TMEM229A: variants seen among roughly 807,000 people sequenced by gnomAD.
The protein encoded by TMEM229A is transmembrane protein 229A.
In TMEM229A, 23 loss-of-function variants were observed where a neutral mutation model predicts 30.0. The ratio of observed to expected loss-of-function variants is 0.77; its 90% confidence interval spans 0.55 to 1.09. TMEM229A has a LOEUF of 1.09. Ranked by LOEUF, TMEM229A falls within the 50% of genes least tolerant of loss-of-function variation. The pLI is 0.00. For synonymous variants in TMEM229A, 264 were observed against 241.5 expected (o/e 1.09, Z -0.86); for missense variants, 534 against 525.9 (o/e 1.02, Z -0.15).
Position 124,032,462 on chromosome 7 carries a change from C to T in TMEM229A, c.542G>A (p.Arg181Gln). Residue 181 changes from arginine to glutamine, a missense_variant, in exon 1 of 1, where the codon CGG (arginine) becomes CAG (glutamine). Arg to Gln is a conservative substitution (Grantham distance 43, BLOSUM62 1). Coordinates refer to ENST00000455783, the MANE Select transcript of TMEM229A (RefSeq NM_001136002.2). The surrounding 1 kb of genome is among the most constrained non-coding windows in gnomAD (Gnocchi z 6.6). Reference sequence around the variant, plus strand: ...CTGCCGCCGCCTCTGTCGCCCGTACCGCAAGCGCAGGAAGCGCTTCAGGAA... The same window carrying T: ...CTGCCGCCGCCTCTGTCGCCCGTACTGCAAGCGCAGGAAGCGCTTCAGGAA... ...QVFLKRFLRLRYGRQRRRQQQ... is the reference protein window; with the variant it reads ...QVFLKRFLRLQYGRQRRRQQQ... 1 of 1,548,952 alleles carries T rather than the reference C, an allele frequency of 6.5e-7. No individual in the cohort carries two copies. The highest frequency in any genetic ancestry group is 8.7e-7 in the Non-Finnish European group (1 of 1,146,570).
At position 124,032,973 on chromosome 7, in the gene TMEM229A, G is replaced by A; in HGVS notation, c.31C>T (p.Pro11Ser). 1 of 1,311,010 alleles carries A rather than the reference G, an allele frequency of 7.6e-7. No individual in the cohort carries two copies. The highest frequency in any genetic ancestry group is 9.6e-7 in the Non-Finnish European group (1 of 1,036,274). The allele number at this position is 1,311,010 out of a possible 1,614,324, so 81.2% of individuals were successfully genotyped here. ...CGCGCCGCGCCGCCCCTCCGTGCGG[G>A]GCCCTCGCTGTCCACGTCGCTCCCC... MAGSDVDSEGPARRGGAARRP... is the reference protein window; with the variant it reads MAGSDVDSEGSARRGGAARRP... The change falls in exon 1 of 1, where the codon CCC becomes TCC. Residue 11 changes from proline (P) to serine (S), a missense_variant. Transcript: ENST00000455783. The surrounding 1 kb of genome is among the most constrained non-coding windows in gnomAD (Gnocchi z 6.6).
In TMEM229A at chr7:124,033,029, G is replaced by C. The variant is rs1390034682; in HGVS notation, c.-26C>G. ...GGGCTCGGAGGCTGTCCGAACGCCC[G>C]AGGCTGCACCGCCGCCGCTGCCGGG... On this transcript the variant is annotated 5_prime_UTR_variant, in exon 1 of 1. Coordinates refer to ENST00000455783, the MANE Select transcript of TMEM229A (RefSeq NM_001136002.2). 95 of 1,214,726 alleles carry C rather than the reference G, an allele frequency of 7.8e-5. No individual in the cohort carries two copies. Among genetic ancestry groups the C allele is most frequent in the Middle Eastern group, 3.2e-4 (1 of 3,112 alleles). The allele number at this position is 1,214,726 out of a possible 1,614,324, so 75.2% of individuals were successfully genotyped here. A position where few individuals can be genotyped will look rare whatever the true frequency, so the allele number is the denominator to read the frequency against.
At position 124,032,373 on chromosome 7, in the gene TMEM229A, C is replaced by A; in HGVS notation, c.631G>T (p.Ala211Ser). The A allele has an allele frequency of 1.9e-6, 3 of 1,540,988 alleles. No homozygotes were observed. The highest frequency in any genetic ancestry group is 2.6e-6 in the Non-Finnish European group (3 of 1,143,864). The change falls in exon 1 of 1, where the codon GCC (alanine) becomes TCC (serine). Residue 211 changes from alanine to serine, a missense_variant. Transcript: ENST00000455783. The surrounding 1 kb of genome is among the most constrained non-coding windows in gnomAD (Gnocchi z 6.6). ...GCTCCGGCCGCAGTAGGGACCCGGG[C>A]GCCGGGAGGGACGGGGAGCGCGCCC... ...RRGALPVPPGARVPTAAGARR... is the reference protein window; with the variant it reads ...RRGALPVPPGSRVPTAAGARR...
chr7:124,032,974 G>C lies in TMEM229A; in HGVS notation c.30C>G (p.Gly10=). The C allele has an allele frequency of 7.6e-7, 1 of 1,310,762 alleles. No individual in the cohort carries two copies. Among genetic ancestry groups the C allele is most frequent in the Non-Finnish European group, 9.7e-7 (1 of 1,036,178 alleles). The allele number at this position is 1,310,762 out of a possible 1,614,324, so 81.2% of individuals were successfully genotyped here. MAGSDVDSE[G]PARRGGAARR... ...GCGCCGCGCCGCCCCTCCGTGCGGG[G>C]CCCTCGCTGTCCACGTCGCTCCCCG... The change falls in exon 1 of 1, where the codon GGC becomes GGG. Residue 10 remains glycine (G), a synonymous_variant. Coordinates refer to ENST00000455783, the MANE Select transcript of TMEM229A (RefSeq NM_001136002.2). The surrounding 1 kb of genome is among the most constrained non-coding windows in gnomAD (Gnocchi z 6.6).
rs1288477241 is a variant in TMEM229A at position 124,031,158 on chromosome 7, G to T, written c.*703C>A. On this transcript the variant is annotated 3_prime_UTR_variant, in exon 1 of 1. Coordinates refer to ENST00000455783, the MANE Select transcript of TMEM229A (RefSeq NM_001136002.2). The surrounding 1 kb of genome is among the most constrained non-coding windows in gnomAD (Gnocchi z 4.1). ...TGCTGTTTAAGGCTTACCCACATTG[G>T]AAAGCAATCATTTCCAGGATGGAGA... 6.6e-6 allele frequency: 1 copy of T among 152,176 alleles called. No homozygotes were observed. The highest frequency in any genetic ancestry group is 2.4e-5 in the African/African-American group (1 of 41,444). The allele number at this position is 152,176 out of a possible 1,614,324, so 9.4% of individuals were successfully genotyped here. A position where few individuals can be genotyped will look rare whatever the true frequency, so the allele number is the denominator to read the frequency against.
In TMEM229A at chr7:124,031,978, C is replaced by T. The variant is rs1289033445; in HGVS notation, c.1026G>A (p.Pro342=). Residue 342 remains proline, a synonymous_variant, in exon 1 of 1, where the codon CCG becomes CCA. Transcript: ENST00000455783. This position sits in a 1 kb window ranked among gnomAD's most constrained non-coding sequence, Gnocchi z 4.1. ...GGGTGATGAGGCCCATAAAATTGAG[C>T]GGGTAGTGAGAATAGTCCCAGGAAC... ...GACSWDYSHY[P]LNFMGLITLM... 3.2e-6 allele frequency: 5 copies of T among 1,551,584 alleles called. No homozygotes were observed. Among genetic ancestry groups the T allele is most frequent in the Non-Finnish European group, 4.4e-6 (5 of 1,146,970 alleles).
Position 124,031,671 on chromosome 7 carries a change from C to T in TMEM229A, c.*190G>A. 1.8e-6 allele frequency: 1 copy of T among 567,160 alleles called. No individual in the cohort carries two copies. Among genetic ancestry groups the T allele is most frequent in the Non-Finnish European group, 2.9e-6 (1 of 342,022 alleles). 35.1% of individuals were successfully genotyped at this position (567,160 alleles called of 1,614,324 possible). A position where few individuals can be genotyped will look rare whatever the true frequency, so the allele number is the denominator to read the frequency against. On this transcript the variant is annotated 3_prime_UTR_variant, in exon 1 of 1. Coordinates refer to ENST00000455783, the MANE Select transcript of TMEM229A (RefSeq NM_001136002.2). This position sits in a 1 kb window ranked among gnomAD's most constrained non-coding sequence, Gnocchi z 4.1. ...TTGAATTATGTTTCGAGTAGTGTTT[C>T]AAAGTATATTATACACGGGTTTCAA...
Position 124,031,875 on chromosome 7 carries a change from C to A in TMEM229A, c.1129G>T (p.Val377Leu). ...CTTTTTTGGTTTTAGTTAGCTGGTA[C>A]GTACTGCACCCTCCACAACACGTTG... ...ISNVLWRVQY[V>L]PAN is the part of the protein sequence containing the mutation. Residue 377 changes from valine to leucine, a missense_variant, in exon 1 of 1, where the codon GTA becomes TTA. By Grantham distance (32) the Val-to-Leu change is conservative. Transcript: ENST00000455783. This position sits in a 1 kb window ranked among gnomAD's most constrained non-coding sequence, Gnocchi z 4.1. The A allele has an allele frequency of 6.5e-7, 1 of 1,537,528 alleles. No individual in the cohort carries two copies. Among genetic ancestry groups the A allele is most frequent in the East Asian group, 2.5e-5 (1 of 40,512 alleles).
rs1246150740 is a variant in TMEM229A, at chr7:124,032,312, C to G, written c.692G>C (p.Gly231Ala). Residue 231 changes from glycine to alanine, a missense_variant, in exon 1 of 1, where the codon GGG becomes GCG. Physicochemically the swap from Gly to Ala is moderately conservative, Grantham distance 60. Coordinates refer to ENST00000455783, the MANE Select transcript of TMEM229A (RefSeq NM_001136002.2). The surrounding 1 kb of genome is among the most constrained non-coding windows in gnomAD (Gnocchi z 6.6). ...RRRPRGPRGA[G>A]GAPSQGLPDL... ...GGGCAGCCCCTGGCTGGGGGCTCCC[C>G]CGGCGCCCCTGGGGCCACGGGGTCG... 6.5e-7 allele frequency: 1 copy of G among 1,549,602 alleles called. No homozygotes were observed. The highest frequency in any genetic ancestry group is 1.2e-5 in the South Asian group (1 of 83,978).
In TMEM229A at chr7:124,032,868, C is replaced by A. The variant is rs1793156636; in HGVS notation, c.136G>T (p.Ala46Ser). ...CAGGCGGGCAGCGTGGCGCTCTCAG[C>A]CGGCGCTTCAGCAGTGGACAGCGGC... is the stretch of plus-strand genomic sequence containing the variant. Reference protein sequence around the residue: ...PEPLSTAEAPAESATLPAWMR... With the variant: ...PEPLSTAEAPSESATLPAWMR... The change falls in exon 1 of 1, where the codon GCT becomes TCT. Residue 46 changes from alanine (A) to serine (S), a missense_variant. Transcript: ENST00000455783. The surrounding 1 kb of genome is among the most constrained non-coding windows in gnomAD (Gnocchi z 6.6). 1 of 1,541,994 alleles carries A rather than the reference C, an allele frequency of 6.5e-7. No homozygotes were observed. The highest frequency in any genetic ancestry group is 2.5e-5 in the East Asian group (1 of 40,084).
Position 124,032,812 on chromosome 7 carries a change from C to G in TMEM229A, c.192G>C (p.Gly64=). The change falls in exon 1 of 1, where the codon GGG becomes GGC. Residue 64 remains glycine, a synonymous_variant. Coordinates refer to ENST00000455783, the MANE Select transcript of TMEM229A (RefSeq NM_001136002.2). The surrounding 1 kb of genome is among the most constrained non-coding windows in gnomAD (Gnocchi z 6.6). ...AGGACACCAGCACGTCCAGGGTGAT[C>G]CCGTGCATCCCGTAGAAGTAGAGGC... ...WMRLYFYGMH[G]ITLDVLVSSA... The G allele has an allele frequency of 6.5e-7, 1 of 1,550,208 alleles. No individual in the cohort carries two copies. The highest frequency in any genetic ancestry group is 8.7e-7 in the Non-Finnish European group (1 of 1,146,558).
rs1563049801 is a variant in TMEM229A, at chr7:124,032,029, A to C, written c.975T>G (p.Gly325=). 2 of 1,551,572 alleles carry C rather than the reference A, an allele frequency of 1.3e-6. No homozygotes were observed. The highest frequency in any genetic ancestry group is 1.7e-4 in the Middle Eastern group (1 of 5,992). The part of the protein sequence containing the change: ...IFIYVWELSW[G]LGLRTCGACS... Reference sequence around the variant, plus strand: ...AAGCCCCGCACGTGCGGAGTCCCAGACCCCAGGACAGCTCCCACACGTAGA... The same window carrying C: ...AAGCCCCGCACGTGCGGAGTCCCAGCCCCCAGGACAGCTCCCACACGTAGA... Residue 325 remains glycine (G), a synonymous_variant, in exon 1 of 1, where the codon GGT becomes GGG. Coordinates refer to ENST00000455783, the MANE Select transcript of TMEM229A (RefSeq NM_001136002.2). This position sits in a 1 kb window ranked among gnomAD's most constrained non-coding sequence, Gnocchi z 6.6.
Position 124,032,188 on chromosome 7 carries a change from G to A in TMEM229A, c.816C>T (p.Thr272=), listed in dbSNP as rs1395553945. 7.1e-6 allele frequency: 11 copies of A among 1,551,858 alleles called. No homozygotes were observed. Among genetic ancestry groups the A allele is most frequent in the Non-Finnish European group, 9.6e-6 (11 of 1,147,014 alleles). Residue 272 remains threonine (T), a synonymous_variant, in exon 1 of 1, where the codon ACC becomes ACT. Coordinates refer to ENST00000455783, the MANE Select transcript of TMEM229A (RefSeq NM_001136002.2). The surrounding 1 kb of genome is among the most constrained non-coding windows in gnomAD (Gnocchi z 6.6). ...AGGACCAGAGCGACGTGTGGCCGCTGGTTGTCCCGTCCCCCTGCCCCAGTA... is the reference window on the plus strand; with the variant it reads ...AGGACCAGAGCGACGTGTGGCCGCTAGTTGTCCCGTCCCCCTGCCCCAGTA... ...FNVLGQGDGT[T]SGHTSLWSFF...
Position 124,032,704 on chromosome 7 carries a change from G to T in TMEM229A, c.300C>A (p.Thr100=). The change falls in exon 1 of 1, where the codon ACC becomes ACA. Residue 100 remains threonine (T), a synonymous_variant. Coordinates refer to ENST00000455783, the MANE Select transcript of TMEM229A (RefSeq NM_001136002.2). This position sits in a 1 kb window ranked among gnomAD's most constrained non-coding sequence, Gnocchi z 6.6. ...SPYRCLLHSL[T]HFALEKVYLQ... is the part of the protein sequence containing the mutation. ...GGTACACCTTCTCCAGGGCGAAATG[G>T]GTGAGCGAGTGCAGCAGGCAGCGGT... 1.3e-6 allele frequency: 2 copies of T among 1,551,510 alleles called. No homozygotes were observed. The highest frequency in any genetic ancestry group is 2.7e-5 in the African/African-American group (2 of 73,174).
chr7:124,031,913 T>C lies in TMEM229A; in HGVS notation c.1091A>G (p.Gln364Arg). Residue 364 changes from glutamine to arginine, a missense_variant, in exon 1 of 1, where the codon CAG (glutamine) becomes CGG (arginine). Gln to Arg is a conservative substitution (Grantham distance 43). Coordinates refer to ENST00000455783, the MANE Select transcript of TMEM229A (RefSeq NM_001136002.2). This position sits in a 1 kb window ranked among gnomAD's most constrained non-coding sequence, Gnocchi z 4.1. ...CCACAACACGTTGGAAATTAGGTCCTGGTACACACTAAGGAATATCCAGCC... is the reference window on the plus strand; with the variant it reads ...CCACAACACGTTGGAAATTAGGTCCCGGTACACACTAAGGAATATCCAGCC... Reference protein sequence around the residue: ...LPGWIFLSVYQDLISNVLWRV... With the variant: ...LPGWIFLSVYRDLISNVLWRV... 1 of 1,551,708 alleles carries C rather than the reference T, an allele frequency of 6.4e-7. No individual in the cohort carries two copies. The highest frequency in any genetic ancestry group is 8.7e-7 in the Non-Finnish European group (1 of 1,146,996).
In TMEM229A at chr7:124,032,933, G is replaced by C. The variant is rs1793158378; in HGVS notation, c.71C>G (p.Pro24Arg). ...TGCCGCCTCGCTTCCTGGCCCGCCAGGGGCCCCCGGACGCCGCGCCGCGCC... is the reference window on the plus strand; with the variant it reads ...TGCCGCCTCGCTTCCTGGCCCGCCACGGGCCCCCGGACGCCGCGCCGCGCC... ...RGGAARRPGA[P>R]GGPGSEAAAG... is the part of the protein sequence containing the mutation. Residue 24 changes from proline (P) to arginine (R), a missense_variant, in exon 1 of 1, where the codon CCT becomes CGT. Transcript: ENST00000455783. The surrounding 1 kb of genome is among the most constrained non-coding windows in gnomAD (Gnocchi z 6.6). The C allele has an allele frequency of 1.5e-6, 2 of 1,355,388 alleles. No individual in the cohort carries two copies. Among genetic ancestry groups the C allele is most frequent in the Admixed American group, 4.0e-5 (1 of 24,770 alleles). 84.0% of individuals were successfully genotyped at this position (1,355,388 alleles called of 1,614,324 possible).
chr7:124,032,556 C>G lies in TMEM229A; in HGVS notation c.448G>C (p.Val150Leu), dbSNP rs1437254014. 2 of 1,549,308 alleles carry G rather than the reference C, an allele frequency of 1.3e-6. No homozygotes were observed. Among genetic ancestry groups the G allele is most frequent in the Admixed American group, 3.9e-5 (2 of 50,914 alleles). ...LLLSLGGGAG[V>L]AVAPGALDLA... ...TCCAGCGCCCCTGGCGCCACCGCGA[C>G]CCCCGCCCCGCCGCCCAGGCTGAGT... is the stretch of plus-strand genomic sequence containing the variant. Residue 150 changes from valine (V) to leucine (L), a missense_variant, in exon 1 of 1, where the codon GTC becomes CTC. Physicochemically the swap from Val to Leu is conservative, Grantham distance 32. Transcript: ENST00000455783. This position sits in a 1 kb window ranked among gnomAD's most constrained non-coding sequence, Gnocchi z 6.6.
At position 124,032,905 on chromosome 7, in the gene TMEM229A, G is replaced by A. The variant is rs763301316; in HGVS notation, c.99C>T (p.Ala33=). ...APGGPGSEAA[A]GCPEPLSTAE... is the part of the protein sequence containing the mutation. The stretch of plus-strand genomic sequence containing the variant: ...CAGTGGACAGCGGCTCCGGGCAGCC[G>A]GCTGCCGCCTCGCTTCCTGGCCCGC... The change falls in exon 1 of 1, where the codon GCC becomes GCT. Residue 33 remains alanine, a synonymous_variant. Coordinates refer to ENST00000455783, the MANE Select transcript of TMEM229A (RefSeq NM_001136002.2). This position sits in a 1 kb window ranked among gnomAD's most constrained non-coding sequence, Gnocchi z 6.6. The A allele has an allele frequency of 3.5e-6, 5 of 1,429,710 alleles. No homozygotes were observed. The South Asian group carries it at 7.4e-5, about 21-fold the overall frequency. 88.6% of individuals were successfully genotyped at this position (1,429,710 alleles called of 1,614,324 possible).
In TMEM229A at chr7:124,031,948, C is replaced by T. The variant is rs1429927383; in HGVS notation, c.1056G>A (p.Met352Ile). Residue 352 changes from methionine to isoleucine, a missense_variant, in exon 1 of 1, where the codon ATG (methionine) becomes ATA (isoleucine). Met to Ile is a conservative substitution (Grantham distance 10). Transcript: ENST00000455783. The surrounding 1 kb of genome is among the most constrained non-coding windows in gnomAD (Gnocchi z 4.1). Reference protein sequence around the residue: ...PLNFMGLITLMYLPGWIFLSV... With the variant: ...PLNFMGLITLIYLPGWIFLSV... The stretch of plus-strand genomic sequence containing the variant: ...TAAGGAATATCCAGCCAGGTAAATA[C>T]ATCAGGGTGATGAGGCCCATAAAAT... The T allele has an allele frequency of 6.4e-7, 1 of 1,551,664 alleles. No individual in the cohort carries two copies. The highest frequency in any genetic ancestry group is 8.7e-7 in the Non-Finnish European group (1 of 1,147,002).
Sources: gnomAD v4.1 joint callset for allele counts on GRCh38, gnomAD v4.1.1 for gene constraint, Gnocchi (gnomAD v3.1) non-coding constraint, MANE v1.5 for transcripts, NCBI Gene and HGNC (gene_info 2026-07-23, HGNC 2026-07-21) for gene names.